The following DIP2C variants were observed in gnomAD, a reference collection of about 807,000 sequenced individuals.
The protein encoded by DIP2C is DIP2 acetate--CoA ligase C (putative).
A neutral mutation model predicts 192.4 loss-of-function variants in DIP2C; 33 were observed. The ratio of observed to expected loss-of-function variants is 0.17; its 90% CI spans 0.13 to 0.23. The LOEUF (loss-of-function observed/expected upper bound fraction) is 0.23, where lower values mean the gene tolerates loss of function less well. DIP2C is among the 10% of genes least tolerant of loss of function. DIP2C has a pLI of 1.00. For missense variants in DIP2C, 1,537 were observed against 2,110.1 expected (o/e 0.73, Z 5.32); for synonymous variants, 979 against 864.1 (o/e 1.13, Z -2.33).
intron 18 of DIP2C, 42 bp from the exon 19 acceptor site, chr10:366,453 A>G: frequency 6.2e-7 from 1 of 1,612,626 alleles, no homozygotes; most frequent in South Asian, 1.1e-5. Flanking sequence ...GAGAGGGGGC[A>G]GGTGGGGAGA....
chr10:344,803 C>A lies in DIP2C; in HGVS notation c.3453+6G>T. ...CATGGCCACCGCCCGCAGCCACCCC[C>A]CTCACCTTTACGCCAGCTAGCATCC... On this transcript the variant is annotated splice_donor_region_variant and intron_variant, in intron 28 of 36. Coordinates refer to ENST00000280886, the MANE Select transcript of DIP2C (RefSeq NM_014974.3). 6.3e-7 allele frequency: 1 copy of A among 1,578,232 alleles called. No homozygotes were observed. The highest frequency in any genetic ancestry group is 2.3e-5 in the East Asian group (1 of 43,920).
chr10:420,936 C>T (rs1478928216), intron 5 of DIP2C, among the ~76,000 whole-genome samples: 1 of 152,158 alleles, frequency 6.6e-6, no homozygotes, highest in Admixed American at 6.5e-5. Flanking sequence ...AGGACACTCA[C>T]GCGCACGCAG....
At chr10:570,571 A>G (rs1398088228) in intron 1 of DIP2C, among the ~76,000 whole-genome samples, 1 of 152,132 alleles carries the variant, frequency 6.6e-6, no homozygotes, top group East Asian at 1.9e-4. Flanking sequence ...ACCTGCACCC[A>G]ACACTACTTC....
rs1185300657 is a variant in DIP2C at position 275,947 on chromosome 10, GTCT to G, written c.*1375_*1377del. The G allele has an allele frequency of 6.6e-6, 1 of 152,262 alleles. No individual in the cohort carries two copies. Among genetic ancestry groups the G allele is most frequent in the African/African-American group, 2.4e-5 (1 of 41,458 alleles). The allele number at this position is 152,262 out of a possible 1,614,324, so 9.4% of individuals were successfully genotyped here. A position where few individuals can be genotyped will look rare whatever the true frequency, so the allele number is the denominator to read the frequency against. The stretch of plus-strand genomic sequence containing the variant: ...CAGAGGCTCACACAGAGCGGGCTGG[GTCT>G]TAAGACGAGGGGACGATCACCGATG... On this transcript the variant is annotated 3_prime_UTR_variant, in exon 37 of 37. Coordinates refer to ENST00000280886, the MANE Select transcript of DIP2C (RefSeq NM_014974.3).
chr10:294,497 C>T (rs999530546), intron 32 of DIP2C, among the ~76,000 whole-genome samples: 6 of 151,662 alleles, frequency 4.0e-5, no homozygotes, highest in East Asian at 1.9e-4. Context: ...GTCCCAACTA[C>T]GTGGGAGTAT....
intron 4 of DIP2C, among the ~76,000 whole-genome samples, chr10:434,913 T>A (rs1177793269): frequency 6.6e-6 from 1 of 152,208 alleles, no homozygotes; most frequent in East Asian, 1.9e-4. Flanking sequence ...AATCTTTGAT[T>A]CGCCGTAGTT....
intron 1 of DIP2C, among the ~76,000 whole-genome samples, chr10:514,552 T>C (rs530072285): frequency 6.6e-6 from 1 of 152,222 alleles, no homozygotes. Context: ...GCCGTCCGTG[T>C]CCCCCTGCAG....
intron 3 of DIP2C, among the ~76,000 whole-genome samples, chr10:471,356 C>T (rs540373013): frequency 6.6e-6 from 1 of 152,302 alleles, no homozygotes; most frequent in South Asian, 2.1e-4. Context: ...CATGAGCCTG[C>T]ATGGACAGAG....
rs772285836 is a variant in DIP2C, at chr10:348,755, G to A, written c.3117C>T (p.Asp1039=). The change falls in exon 26 of 37, where the codon GAC becomes GAT. Residue 1039 remains aspartate (D), a synonymous_variant. Coordinates refer to ENST00000280886, the MANE Select transcript of DIP2C (RefSeq NM_014974.3). ...GGCAACCATAAAACGCTGCTATCAG[G>A]TCTATTCCTACACAAGGAGAGAAAC... ...HVALVYPPGI[D]LIAAFYGCLY... is the part of the protein sequence containing the mutation. 5.0e-6 allele frequency: 8 copies of A among 1,613,508 alleles called. No individual in the cohort carries two copies. Among genetic ancestry groups the A allele is most frequent in the Non-Finnish European group, 6.8e-6 (8 of 1,179,846 alleles).
chr10:572,665 C>T (rs1245591990), intron 1 of DIP2C, among the ~76,000 whole-genome samples: 1 of 152,166 alleles, frequency 6.6e-6, no homozygotes, highest in Non-Finnish European at 1.5e-5. Context: ...TCACAGATCA[C>T]AAGGACAAAA....
chr10:419,034 GA>G (rs749743610), intron 6 of DIP2C, 30 bp downstream of exon 6: 4 of 1,614,000 alleles, frequency 2.5e-6, no homozygotes, highest in East Asian at 2.2e-5. Context: ...CCGTTTACCA[GA>G]AAAAAACGCA....
chr10:412,085 C>T (rs542705195), intron 8 of DIP2C, among the ~76,000 whole-genome samples: 8 of 152,212 alleles, frequency 5.3e-5, no homozygotes, highest in African/African-American at 1.7e-4. Context: ...CTGTGTCTTA[C>T]GTCTCCCATT....
intron 1 of DIP2C, among the ~76,000 whole-genome samples, chr10:551,862 G>A (rs189918825): frequency 5.9e-5 from 9 of 152,308 alleles, no homozygotes; most frequent in East Asian, 5.8e-4. Flanking sequence ...CCCCTAGGCC[G>A]CTCAATGTCA....
In DIP2C at chr10:568,765, CAAAAAAAAAAAAA is replaced by C. The variant is rs1206501677; in HGVS notation, c.86-82248_86-82236del. On this transcript the variant is annotated intron_variant, in intron 1 of 36. Transcript: ENST00000280886. ...TGGGCGACAGAGGGAAACTCCGTCT[CAAAAAAAAAAAAA>C]AAAAAAAAAAAAAAAAAAAACCTTC... Among the ~76,000 whole-genome samples the C allele has an allele frequency of 5.7e-3, 217 of 37,864 alleles. 1 individual carries two copies. The highest frequency in any genetic ancestry group is 0.02 in the African/African-American group (196 of 10,020). 24.8% of individuals were successfully genotyped at this position (37,864 alleles called of 152,430 possible).
At chr10:590,966 C>T (rs534204124) in intron 1 of DIP2C, among the ~76,000 whole-genome samples, 7 of 152,150 alleles carry the variant, frequency 4.6e-5, no homozygotes, top group East Asian at 1.9e-4. Flanking sequence ...GTTCTTCTGC[C>T]GGTGGCAAGG....
At chr10:353,885 C>T (rs1436640193) in intron 24 of DIP2C, among the ~76,000 whole-genome samples, 1 of 152,178 alleles carries the variant, frequency 6.6e-6, no homozygotes, top group Admixed American at 6.5e-5. Flanking sequence ...TTAGAAAATG[C>T]ATGATTCTGT....
intron 1 of DIP2C, among the ~76,000 whole-genome samples, chr10:577,824 T>TG (rs34435493): frequency 1.3e-4 from 13 of 99,738 alleles, no homozygotes; most frequent in African/African-American, 8.0e-4. Context: ...TTTTTTTGTG[T>TG]TTTTTTTTTT....
intron 2 of DIP2C, among the ~76,000 whole-genome samples, chr10:479,242 T>G (rs1175186422): frequency 6.6e-6 from 1 of 151,928 alleles, no homozygotes; most frequent in Non-Finnish European, 1.5e-5. Flanking sequence ...ATTTTCCTTG[T>G]ATTCACTGGG....
chr10:648,336 T>C (rs1000913239), intron 1 of DIP2C, among the ~76,000 whole-genome samples: 17 of 149,116 alleles, frequency 1.1e-4, no homozygotes, highest in African/African-American at 3.5e-4. Flanking sequence ...CACGTCCACA[T>C]TGGATGGTGG....
Sources: gnomAD v4.1 joint callset for allele counts (sites outside exome capture counted in the v4.1 genomes callset) on GRCh38, gnomAD v4.1.1 for gene constraint, MANE v1.5 for transcripts, NCBI Gene and HGNC (gene_info 2026-07-23, HGNC 2026-07-21) for gene names.